Variants in EP300 observed in about 807,000 individuals in gnomAD.
EP300 encodes the protein histone acetyltransferase p300.
A neutral mutation model predicts 264.0 loss-of-function variants in EP300; 31 were observed. The observed-to-expected ratio is 0.12, with a 90% CI of 0.09 to 0.16. The LOEUF (loss-of-function observed/expected upper bound fraction) is 0.16. EP300 is among the 10% of genes least tolerant of loss of function. The pLI, the probability that EP300 is intolerant of heterozygous loss-of-function variation, is 1.00. For synonymous variants in EP300, 1,340 were observed against 1,045.4 expected (o/e 1.28, Z -5.44); for missense variants, 2,766 against 3,052.9 (o/e 0.91, Z 2.21).
chr22:41,127,393 C>G, intron 3 of EP300, 94 bp from the exon 4 acceptor site: 2 of 1,539,112 alleles, frequency 1.3e-6, no homozygotes, highest in South Asian at 2.3e-5. Context: ...GTAGACTAAC[C>G]ATAAAGGTTT....
At chr22:41,136,663 G>T (rs918051065) in intron 7 of EP300, among the ~76,000 whole-genome samples, 4 of 152,074 alleles carry the variant, frequency 2.6e-5, no homozygotes, top group Non-Finnish European at 5.9e-5. Context: ...TGTCTCAAAA[G>T]ATAAAAATTA....
chr22:41,163,434 C>CAAAAAAAAAA (rs763502729), intron 21 of EP300, among the ~76,000 whole-genome samples: 1 of 44,998 alleles, frequency 2.2e-5, no homozygotes, highest in African/African-American at 8.2e-5. Context: ...GACTCCGTCT[C>CAAAAAAAAAA]AAAAAAAAAA....
At position 41,178,965 on chromosome 22, in the gene EP300, TG is replaced by T; in HGVS notation, c.*10del. 5 of 1,613,268 alleles carry T rather than the reference TG, an allele frequency of 3.1e-6. No individual in the cohort carries two copies. The highest frequency in any genetic ancestry group is 4.2e-6 in the Non-Finnish European group (5 of 1,179,804). On this transcript the variant is annotated 3_prime_UTR_variant, in exon 31 of 31. Coordinates refer to ENST00000263253, the MANE Select transcript of EP300 (RefSeq NM_001429.4). The stretch of plus-strand genomic sequence containing the variant: ...CACTAGACATACACTAGAGACACCT[TG>T]TAGTATTTTGGGAGCAAAAAAATTA...
Position 41,166,643 on chromosome 22 carries a change from A to G in EP300, c.3851A>G (p.Lys1284Arg). ...TTAAAGAAAAGTGCACGAACTAGGA[A>G]AGAAAATAAGTTTTCTGCTAAAAGT... ...GCLKKSARTR[K>R]ENKFSAKRLP... The change falls in exon 23 of 31, where the codon AAA becomes AGA. Residue 1284 changes from lysine to arginine, a missense_variant. Transcript: ENST00000263253. The G allele has an allele frequency of 1.9e-6, 3 of 1,612,186 alleles. No individual in the cohort carries two copies. The highest frequency in any genetic ancestry group is 2.5e-6 in the Non-Finnish European group (3 of 1,179,282).
At chr22:41,098,395 G>A (rs868457935) in intron 1 of EP300, among the ~76,000 whole-genome samples, 4 of 152,032 alleles carry the variant, frequency 2.6e-5, no homozygotes, top group Admixed American at 6.5e-5. Context: ...TTTTTGAGAC[G>A]GAGTCTCGCT....
intron 2 of EP300, among the ~76,000 whole-genome samples, chr22:41,119,125 C>T (rs960486470): frequency 2.0e-5 from 3 of 148,966 alleles, no homozygotes; most frequent in Admixed American, 1.3e-4. Flanking sequence ...GCCTCAGCCT[C>T]CTGAGTAGCT....
rs1339311567 is a variant in EP300, at chr22:41,141,154, C to T, written c.1985C>T (p.Ala662Val). ...LQKQNMLPNAAGMVPVSMNPG... is the reference protein window; with the variant it reads ...LQKQNMLPNAVGMVPVSMNPG... ...AAGCAGAACATGCTACCAAATGCTG[C>T]AGGCATGGTTCCAGTTTCCATGAAT... Residue 662 changes from alanine to valine, a missense_variant, in exon 10 of 31, where the codon GCA (alanine) becomes GTA (valine). Ala to Val is a moderately conservative substitution (Grantham distance 64). Transcript: ENST00000263253. 4 of 1,614,180 alleles carry T rather than the reference C, an allele frequency of 2.5e-6. No individual in the cohort carries two copies. Among genetic ancestry groups the T allele is most frequent in the East Asian group, 4.5e-5 (2 of 44,880 alleles).
In EP300 at chr22:41,178,990, T is replaced by A. The variant is rs1164445443; in HGVS notation, c.*34T>A. 2.5e-6 allele frequency: 4 copies of A among 1,610,590 alleles called. No individual in the cohort carries two copies. The highest frequency in any genetic ancestry group is 2.2e-5 in the South Asian group (2 of 91,026). The stretch of plus-strand genomic sequence containing the variant: ...TGTAGTATTTTGGGAGCAAAAAAAT[T>A]ATTTTCTCTTAACAAGACTTTTTGT... On this transcript the variant is annotated 3_prime_UTR_variant, in exon 31 of 31. Transcript: ENST00000263253.
intron 10 of EP300, among the ~76,000 whole-genome samples, chr22:41,143,548 C>T (rs1422660129): frequency 1.3e-5 from 2 of 151,888 alleles, no homozygotes; most frequent in Non-Finnish European, 2.9e-5. Flanking sequence ...CTTCATGTTT[C>T]TTTAACATTT....
At position 41,167,835 on chromosome 22, in the gene EP300, T is replaced by G. The variant is rs868845948; in HGVS notation, c.3875-614T>G. ...TTTTGTTTTTTTTTTTGTTTTTTTTTTTTTTTTTTTTTTTTTGAGACAGAG... is the reference window on the plus strand; with the variant it reads ...TTTTGTTTTTTTTTTTGTTTTTTTTGTTTTTTTTTTTTTTTTGAGACAGAG... On this transcript the variant is annotated intron_variant, in intron 23 of 30. Transcript: ENST00000263253. Among the ~76,000 whole-genome samples the G allele has an allele frequency of 1.1e-3, 91 of 85,888 alleles. 1 individual carries two copies. Among genetic ancestry groups the G allele is most frequent in the Middle Eastern group, 5.0e-3 (1 of 202 alleles). The allele number at this position is 85,888 out of a possible 152,430, so 56.3% of individuals were successfully genotyped here. A position where few individuals can be genotyped will look rare whatever the true frequency, so the allele number is the denominator to read the frequency against.
chr22:41,095,266 G>GTC (rs1190973560), intron 1 of EP300, among the ~76,000 whole-genome samples: 4 of 116,638 alleles, frequency 3.4e-5, no homozygotes, highest in Admixed American at 3.3e-4. Context: ...TTGAGATGGA[G>GTC]TCTCATTCTG....
intron 10 of EP300, among the ~76,000 whole-genome samples, chr22:41,141,426 A>G (rs1417450814): frequency 1.3e-5 from 2 of 152,252 alleles, no homozygotes; most frequent in African/African-American, 4.8e-5. Context: ...GGTACTTAAC[A>G]TACCTTGATA....
intron 16 of EP300, among the ~76,000 whole-genome samples, chr22:41,152,949 G>T (rs2059055585): frequency 6.6e-6 from 1 of 152,058 alleles, no homozygotes; most frequent in African/African-American, 2.4e-5. Context: ...GTAGAGACAG[G>T]ATTTCACCGT....
At position 41,172,364 on chromosome 22, in the gene EP300, G is replaced by A. The variant is rs576677930; in HGVS notation, c.4453-135G>A. The stretch of plus-strand genomic sequence containing the variant: ...TTTTTCTAAATACTCCCTGGCTTAC[G>A]GCTTAGGTATAAAGTCTCTGCCAGC... On this transcript the variant is annotated intron_variant, in intron 27 of 30. Coordinates refer to ENST00000263253, the MANE Select transcript of EP300 (RefSeq NM_001429.4). 45 of 756,078 alleles carry A rather than the reference G, an allele frequency of 6.0e-5. No individual in the cohort carries two copies. The East Asian group carries it at 7.0e-4, about 12-fold the overall frequency. 46.8% of individuals were successfully genotyped at this position (756,078 alleles called of 1,614,324 possible). A position where few individuals can be genotyped will look rare whatever the true frequency, so the allele number is the denominator to read the frequency against.
chr22:41,171,752 C>G (rs1006257480), intron 27 of EP300, among the ~76,000 whole-genome samples: 3 of 151,614 alleles, frequency 2.0e-5, no homozygotes, highest in Admixed American at 6.6e-5. Flanking sequence ...GCTGGGATTA[C>G]AGGCATGCAC....
chr22:41,109,291 G>A (rs2058775790), intron 1 of EP300, among the ~76,000 whole-genome samples: 1 of 147,420 alleles, frequency 6.8e-6, no homozygotes. Context: ...GAAAACATAA[G>A]ACAGCAATCA....
At chr22:41,173,602 C>A (rs957944713) in intron 28 of EP300, 21 bp from the exon 29 acceptor site, 1 of 1,613,472 alleles carries the variant, frequency 6.2e-7, no homozygotes, top group Admixed American at 1.7e-5. Context: ...ATTTTCTTGT[C>A]TCCTTTGTGC....
chr22:41,177,463 C>T lies in EP300; in HGVS notation c.5752C>T (p.Leu1918Phe), dbSNP rs1377707314. 1 of 1,614,212 alleles carries T rather than the reference C, an allele frequency of 6.2e-7. No individual in the cohort carries two copies. Among genetic ancestry groups the T allele is most frequent in the Non-Finnish European group, 8.5e-7 (1 of 1,180,044 alleles). The change falls in exon 31 of 31, where the codon CTT (leucine) becomes TTT (phenylalanine). Residue 1918 changes from leucine (L) to phenylalanine (F), a missense_variant. Physicochemically the swap from Leu to Phe is conservative, Grantham distance 22. Coordinates refer to ENST00000263253, the MANE Select transcript of EP300 (RefSeq NM_001429.4). ...PTPPQTAQPP[L>F]PGPPPAAVEM... The stretch of plus-strand genomic sequence containing the variant: ...CCCTCCTCAGACTGCTCAGCCACCC[C>T]TTCCAGGGCCCCCACCTGCAGCAGT...
intron 2 of EP300, among the ~76,000 whole-genome samples, chr22:41,120,934 C>T (rs1195029426): frequency 6.6e-6 from 1 of 152,118 alleles, no homozygotes; most frequent in Non-Finnish European, 1.5e-5. Flanking sequence ...TGGCATCAAG[C>T]AATCCACCTG....
Sources: gnomAD v4.1 joint callset for allele counts (sites outside exome capture counted in the v4.1 genomes callset) on GRCh38, gnomAD v4.1.1 for gene constraint, MANE v1.5 for transcripts, NCBI Gene and HGNC (gene_info 2026-07-23, HGNC 2026-07-21) for gene names.